TNS3: variants seen among roughly 807,000 people sequenced by gnomAD.
TNS3 encodes tensin 3.
In TNS3, 45 loss-of-function variants were observed where a neutral mutation model predicts 140.9. The observed-to-expected ratio is 0.32, with a 90% CI of 0.25 to 0.41. The LOEUF is 0.41. Among genes scored for constraint, TNS3 ranks in the 10% least tolerant of loss-of-function variants. The pLI is 1.00. For synonymous variants in TNS3, 815 were observed against 788.4 expected (o/e 1.03, Z -0.56); for missense variants, 1,716 against 1,906.7 (o/e 0.90, Z 1.86).
At chr7:47,440,093 G>A (rs1048189652) in intron 5 of TNS3, among the ~76,000 whole-genome samples, 11 of 152,128 alleles carry the variant, frequency 7.2e-5, no homozygotes, top group African/African-American at 2.4e-4. Flanking sequence ...GCACCGGGAG[G>A]GGGCCAGGAG....
At chr7:47,309,014 G>GA in intron 20 of TNS3, among the ~76,000 whole-genome samples, 1 of 152,180 alleles carries the variant, frequency 6.6e-6, no homozygotes, top group South Asian at 2.1e-4. Context: ...GCCCAACTCA[G>GA]AGTCTCCCAG....
chr7:47,569,724 G>T (rs1470073035), intron 1 of TNS3, among the ~76,000 whole-genome samples: 2 of 151,630 alleles, frequency 1.3e-5, no homozygotes, highest in African/African-American at 4.9e-5. Flanking sequence ...CGTGGTGATG[G>T]TCATCTGTAA....
At position 47,396,869 on chromosome 7, in the gene TNS3, C is replaced by T. The variant is rs920906416; in HGVS notation, c.955G>A (p.Val319Met). 9 of 1,614,084 alleles carry T rather than the reference C, an allele frequency of 5.6e-6. No homozygotes were observed. Among genetic ancestry groups the T allele is most frequent in the African/African-American group, 2.7e-5 (2 of 74,930 alleles). Residue 319 changes from valine (V) to methionine (M), a missense_variant, in exon 16 of 31, where the codon GTG becomes ATG. Coordinates refer to ENST00000311160, the MANE Select transcript of TNS3 (RefSeq NM_022748.12). ...EHLYNDHGVI[V>M]DYNTTDPLIR... is the part of the protein sequence containing the mutation. ...AGTGGGTCTGTTGTGTTGTAGTCCA[C>T]AATCACACCGTGGTCGTTGTACAAG... is the stretch of plus-strand genomic sequence containing the variant.
chr7:47,288,177 A>G (rs1311446163), intron 27 of TNS3, among the ~76,000 whole-genome samples: 1 of 152,166 alleles, frequency 6.6e-6, no homozygotes, highest in Non-Finnish European at 1.5e-5. Context: ...CCCTGAGACA[A>G]TATGGGCACA....
At chr7:47,547,162 GA>G (rs1184214969) in intron 1 of TNS3, among the ~76,000 whole-genome samples, 1 of 152,224 alleles carries the variant, frequency 6.6e-6, no homozygotes, top group Non-Finnish European at 1.5e-5. Flanking sequence ...GGTGAGGAGG[GA>G]GGGAGGCAGT....
At chr7:47,322,980 A>G (rs1787833106) in intron 20 of TNS3, among the ~76,000 whole-genome samples, 1 of 152,160 alleles carries the variant, frequency 6.6e-6, no homozygotes, top group Admixed American at 6.5e-5. Flanking sequence ...ATAGGAGGCC[A>G]GCAGGGAGGG....
intron 24 of TNS3, among the ~76,000 whole-genome samples, chr7:47,296,559 G>C (rs1209395535): frequency 6.6e-6 from 1 of 152,194 alleles, no homozygotes; most frequent in Non-Finnish European, 1.5e-5. Flanking sequence ...GGCAGGCATA[G>C]TCCTTTACCT....
chr7:47,392,620 C>T (rs754516905), intron 16 of TNS3, among the ~76,000 whole-genome samples: 18 of 152,364 alleles, frequency 1.2e-4, no homozygotes, highest in Non-Finnish European at 2.5e-4. Flanking sequence ...AGACTAAAGC[C>T]CTGGTGGGAA....
chr7:47,467,856 A>T (rs1354314042), intron 4 of TNS3, among the ~76,000 whole-genome samples: 1 of 152,204 alleles, frequency 6.6e-6, no homozygotes. Context: ...TCCCTCCCAC[A>T]GCACGCTGGC....
chr7:47,433,018 C>T (rs1442184810), intron 8 of TNS3, among the ~76,000 whole-genome samples: 1 of 152,084 alleles, frequency 6.6e-6, no homozygotes, highest in Non-Finnish European at 1.5e-5. Flanking sequence ...GAACTGCAGG[C>T]CATTTCTGGT....
rs755820769 is a variant in TNS3 at position 47,369,114 on chromosome 7, G to A, written c.1532C>T (p.Thr511Ile). 19 of 1,613,984 alleles carry A rather than the reference G, an allele frequency of 1.2e-5. No individual in the cohort carries two copies. The South Asian group carries it at 2.0e-4, about 17-fold the overall frequency. Residue 511 changes from threonine to isoleucine, a missense_variant, in exon 17 of 31, where the codon ACC becomes ATC. By Grantham distance (89) the Thr-to-Ile change is moderately conservative (BLOSUM62 -1). This residue lies in a region of TNS3 where 1,163 missense variants were observed against 1,182.1 expected (regional missense o/e 0.98). Coordinates refer to ENST00000311160, the MANE Select transcript of TNS3 (RefSeq NM_022748.12). Reference sequence around the variant, plus strand: ...TGAGTTCTGGCTGCTCTTGTGGCAGGTGAAGGGACCCAGGTGGGCCGACTG... The same window carrying A: ...TGAGTTCTGGCTGCTCTTGTGGCAGATGAAGGGACCCAGGTGGGCCGACTG... ...GPQSAHLGPF[T>I]CHKSSQNSLL... is the part of the protein sequence containing the mutation.
intron 3 of TNS3, among the ~76,000 whole-genome samples, chr7:47,490,097 T>TAA (rs1425616275): frequency 6.6e-6 from 1 of 152,100 alleles, no homozygotes; most frequent in Non-Finnish European, 1.5e-5. Context: ...GATTAAAAGG[T>TAA]AGTATTGAGT....
intron 1 of TNS3, among the ~76,000 whole-genome samples, chr7:47,570,602 G>T (rs561822805): frequency 2.6e-5 from 4 of 152,196 alleles, no homozygotes; most frequent in Non-Finnish European, 5.9e-5. Context: ...AAAATGTGCC[G>T]GCATTTCCCT....
intron 2 of TNS3, among the ~76,000 whole-genome samples, chr7:47,524,103 G>A (rs6977155): frequency 0.27 from 40,648 of 152,174 alleles, 5,518 homozygotes; most frequent in East Asian, 0.4. Flanking sequence ...CGCCCTCTGA[G>A]AGGCGGCACA....
At position 47,315,120 on chromosome 7, in the gene TNS3, C is replaced by A. The variant is rs1787320643; in HGVS notation, c.2651-10117G>T. 5.9e-5 allele frequency among the ~76,000 whole-genome samples: 9 copies of A among 152,260 alleles called. No homozygotes were observed. The South Asian group carries it at 1.9e-3, about 31-fold the overall frequency. On this transcript the variant is annotated intron_variant, in intron 20 of 30. Coordinates refer to ENST00000311160, the MANE Select transcript of TNS3 (RefSeq NM_022748.12). ...CCTGCCAGCCACAGCCGATCTTGGG[C>A]CCTGAACAGACGCTCCTTTTAGTTC... is the stretch of plus-strand genomic sequence containing the variant.
chr7:47,417,338 C>T (rs966402799), intron 10 of TNS3, among the ~76,000 whole-genome samples: 1 of 152,260 alleles, frequency 6.6e-6, no homozygotes, highest in Admixed American at 6.5e-5. Context: ...TTGCCCCTGA[C>T]ACCAGACGAA....
At chr7:47,482,138 G>T (rs1210826013) in intron 3 of TNS3, among the ~76,000 whole-genome samples, 3 of 152,224 alleles carry the variant, frequency 2.0e-5, no homozygotes, top group Non-Finnish European at 4.4e-5. Flanking sequence ...GCCCCCTCCA[G>T]ATCCCTGGCA....
At chr7:47,301,745 T>C (rs886706129) in intron 23 of TNS3, among the ~76,000 whole-genome samples, 4 of 152,128 alleles carry the variant, frequency 2.6e-5, no homozygotes, top group African/African-American at 7.2e-5. Context: ...TAAGTGCTTA[T>C]GTAGGTGTTC....
intron 2 of TNS3, among the ~76,000 whole-genome samples, chr7:47,512,961 G>T (rs1484737948): frequency 6.6e-6 from 1 of 152,056 alleles, no homozygotes; most frequent in Non-Finnish European, 1.5e-5. Flanking sequence ...TGACAAACAG[G>T]CCACAAACAA....
Sources: allele counts gnomAD v4.1 joint callset (sites outside exome capture counted in the v4.1 genomes callset), GRCh38; gene constraint gnomAD v4.1.1; regional missense constraint gnomAD v4.1.1; transcripts MANE v1.5; gene names NCBI Gene and HGNC (gene_info 2026-07-23, HGNC 2026-07-21).